Variants in TMOD2 observed in about 807,000 individuals in gnomAD.
The protein encoded by TMOD2 is tropomodulin 2, also known as tropomodulin-2.
TMOD2 carries 22 observed loss-of-function variants against 39.9 expected under a neutral mutation model. That is an observed-to-expected ratio of 0.55 (90% confidence interval 0.39 to 0.79). The LOEUF (loss-of-function observed/expected upper bound fraction) is 0.79, where lower values mean the gene tolerates loss of function less well. Among genes scored for constraint, TMOD2 ranks in the 30% least tolerant of loss-of-function variants. The probability of loss-of-function intolerance (pLI) is 0.00; values close to 1 mark genes in which losing one functional copy is unlikely to be tolerated. For missense variants in TMOD2, 386 were observed against 413.3 expected (o/e 0.93, Z 0.57); for synonymous variants, 123 against 146.1 (o/e 0.84, Z 1.14).
At chr15:51,785,380 C>T (rs915974848) in intron 7 of TMOD2, among the ~76,000 whole-genome samples, 1 of 139,502 alleles carries the variant, frequency 7.2e-6, no homozygotes, top group African/African-American at 2.7e-5. Flanking sequence ...CCACTGCACT[C>T]CAGCCTGGGC....
At chr15:51,769,576 A>G (rs1243340844) in intron 3 of TMOD2, among the ~76,000 whole-genome samples, 1 of 152,226 alleles carries the variant, frequency 6.6e-6, no homozygotes, top group East Asian at 1.9e-4. Flanking sequence ...AGCCAAGAAT[A>G]GGAAACCCTC....
At chr15:51,801,422 C>T (rs560930066) in intron 8 of TMOD2, among the ~76,000 whole-genome samples, 53 of 152,256 alleles carry the variant, frequency 3.5e-4, no homozygotes, top group African/African-American at 1.3e-3. Context: ...TTCATTGACT[C>T]ATAGACTGTT....
At chr15:51,781,924 C>T (rs1347743686) in intron 6 of TMOD2, among the ~76,000 whole-genome samples, 1 of 151,948 alleles carries the variant, frequency 6.6e-6, no homozygotes, top group Non-Finnish European at 1.5e-5. Context: ...TTATTGAGTA[C>T]TTACTATGTG....
rs137959325 is a variant in TMOD2, at chr15:51,764,377, G to T, written c.-69-1996G>T. 6.2e-3 allele frequency among the ~76,000 whole-genome samples: 944 copies of T among 152,242 alleles called. 7 individuals are homozygous for T. The highest frequency in any genetic ancestry group is 0.022 in the African/African-American group (910 of 41,526). Reference sequence around the variant, plus strand: ...GAGCGTTGCATTGCATGTGAAAGGGGTATCGACACAGAAACCACAAACCTG... The same window carrying T: ...GAGCGTTGCATTGCATGTGAAAGGGTTATCGACACAGAAACCACAAACCTG... On this transcript the variant is annotated intron_variant, in intron 1 of 9. Transcript: ENST00000249700.
intron 4 of TMOD2, 101 bp downstream of exon 4, chr15:51,773,935 A>G (rs1392380047): frequency 2.9e-5 from 39 of 1,345,074 alleles, no homozygotes; most frequent in Non-Finnish European, 3.8e-5. Context: ...TAGGTAGGAG[A>G]ATGACAGGTT....
In TMOD2 at chr15:51,780,977, T is replaced by C. The variant is rs556216374; in HGVS notation, c.494-67T>C. ...AGCATATGAAAGAAATGTCATTTTT[T>C]GGGAAGTCACCACTGATTTTGATAG... On this transcript the variant is annotated intron_variant, in intron 5 of 9. Coordinates refer to ENST00000249700, the MANE Select transcript of TMOD2 (RefSeq NM_014548.4). 38 of 1,342,824 alleles carry C rather than the reference T, an allele frequency of 2.8e-5. No homozygotes were observed. The South Asian group carries it at 5.1e-4, about 18-fold the overall frequency. 83.2% of individuals were successfully genotyped at this position (1,342,824 alleles called of 1,614,324 possible).
rs2056187945 is a variant in TMOD2, at chr15:51,816,308, C to T, written c.*7854C>T. 2 of 152,180 alleles carry T rather than the reference C, an allele frequency of 1.3e-5. No individual in the cohort carries two copies. Among genetic ancestry groups the T allele is most frequent in the Non-Finnish European group, 2.9e-5 (2 of 68,006 alleles). The allele number at this position is 152,180 out of a possible 1,614,324, so 9.4% of individuals were successfully genotyped here. A position where few individuals can be genotyped will look rare whatever the true frequency, so the allele number is the denominator to read the frequency against. On this transcript the variant is annotated 3_prime_UTR_variant, in exon 10 of 10. Transcript: ENST00000249700. ...TCTATTTCTGTCAGGAATGATATTT[C>T]CAAATGAAAATGTAAAGAACATTGG...
At chr15:51,769,935 A>G (rs2055842095) in intron 3 of TMOD2, among the ~76,000 whole-genome samples, 1 of 152,100 alleles carries the variant, frequency 6.6e-6, no homozygotes, top group Non-Finnish European at 1.5e-5. Flanking sequence ...AGGAGCTGAT[A>G]TGGGAGGATT....
chr15:51,806,590 G>A (rs1432967278), intron 9 of TMOD2, 69 bp downstream of exon 9: 19 of 1,568,600 alleles, frequency 1.2e-5, no homozygotes, highest in East Asian at 6.8e-5. Flanking sequence ...CACTTCAGAC[G>A]CAGCATCTCA....
chr15:51,767,766 G>A (rs1442374353), intron 2 of TMOD2, among the ~76,000 whole-genome samples: 1 of 152,190 alleles, frequency 6.6e-6, no homozygotes, highest in Non-Finnish European at 1.5e-5. Flanking sequence ...TAAAAATACA[G>A]ATATTCTGTT....
At position 51,768,353 on chromosome 15, in the gene TMOD2, T is replaced by C; in HGVS notation, c.218T>C (p.Leu73Pro). 1 of 1,614,082 alleles carries C rather than the reference T, an allele frequency of 6.2e-7. No homozygotes were observed. The highest frequency in any genetic ancestry group is 1.1e-5 in the South Asian group (1 of 91,078). The change falls in exon 3 of 10, where the codon CTG becomes CCG. Residue 73 changes from leucine (L) to proline (P), a missense_variant. Physicochemically the swap from Leu to Pro is moderately conservative, Grantham distance 98. Coordinates refer to ENST00000249700, the MANE Select transcript of TMOD2 (RefSeq NM_014548.4). ...PFDREHLLMY[L>P]EKEALEQKDR... Reference sequence around the variant, plus strand: ...GACCGCGAGCACCTCCTCATGTACCTGGAGAAGGAGGCTTTGGAACAGAAA... The same window carrying C: ...GACCGCGAGCACCTCCTCATGTACCCGGAGAAGGAGGCTTTGGAACAGAAA...
intron 7 of TMOD2, among the ~76,000 whole-genome samples, chr15:51,789,944 A>G (rs1595873948): frequency 6.6e-6 from 1 of 152,334 alleles, no homozygotes; most frequent in Middle Eastern, 3.4e-3. Flanking sequence ...ATCACAATTA[A>G]AAGAACTAGA....
chr15:51,797,852 C>T (rs2056061932), intron 7 of TMOD2, among the ~76,000 whole-genome samples: 3 of 141,294 alleles, frequency 2.1e-5, no homozygotes, highest in Admixed American at 1.4e-4. Flanking sequence ...TCCTTTCTAC[C>T]TTTTTTCTAA....
rs2055938627 is a variant in TMOD2, at chr15:51,782,652, TG to T, written c.625-66del. The T allele has an allele frequency of 1.3e-5, 16 of 1,209,220 alleles. No homozygotes were observed. The South Asian group carries it at 1.9e-4, about 14-fold the overall frequency. The allele number at this position is 1,209,220 out of a possible 1,614,324, so 74.9% of individuals were successfully genotyped here. Reference sequence around the variant, plus strand: ...ACACATACCTGGTATTTAAAGGTTGTGGGTTCTTACCTTGGCAAGAGTGTGC... The same window carrying T: ...ACACATACCTGGTATTTAAAGGTTGTGGTTCTTACCTTGGCAAGAGTGTGC... On this transcript the variant is annotated intron_variant, in intron 6 of 9. Coordinates refer to ENST00000249700, the MANE Select transcript of TMOD2 (RefSeq NM_014548.4).
chr15:51,767,328 A>G (rs751215732), intron 2 of TMOD2, among the ~76,000 whole-genome samples: 2 of 152,184 alleles, frequency 1.3e-5, no homozygotes, highest in Non-Finnish European at 2.9e-5. Flanking sequence ...ACCCGGCCCC[A>G]AACGCAGATT....
chr15:51,816,269 GA>G lies in TMOD2; in HGVS notation c.*7817del, dbSNP rs1479174513. ...AATTAATTAAGATCTTTCTGCTTTC[GA>G]AGGTATAATGTATCTATTTCTGTCA... On this transcript the variant is annotated 3_prime_UTR_variant, in exon 10 of 10. Transcript: ENST00000249700. 1.3e-5 allele frequency: 2 copies of G among 152,168 alleles called. No homozygotes were observed. Among genetic ancestry groups the G allele is most frequent in the East Asian group, 3.8e-4 (2 of 5,202 alleles). 9.4% of individuals were successfully genotyped at this position (152,168 alleles called of 1,614,324 possible).
At chr15:51,757,167 C>T (rs1204076810) in intron 1 of TMOD2, among the ~76,000 whole-genome samples, 1 of 152,092 alleles carries the variant, frequency 6.6e-6, no homozygotes, top group Non-Finnish European at 1.5e-5. Flanking sequence ...TTTGGGATGC[C>T]AAGGCAGGTG....
chr15:51,751,726 G>A lies in TMOD2; in HGVS notation c.-70+14G>A, dbSNP rs2055704590. The A allele has an allele frequency of 6.6e-6, 1 of 152,080 alleles. No homozygotes were observed. The highest frequency in any genetic ancestry group is 2.4e-5 in the African/African-American group (1 of 41,374). 9.4% of individuals were successfully genotyped at this position (152,080 alleles called of 1,614,324 possible). On this transcript the variant is annotated intron_variant, in intron 1 of 9. Coordinates refer to ENST00000249700, the MANE Select transcript of TMOD2 (RefSeq NM_014548.4). ...GCGCACGGACGGGTGAGCGCCCCGGGGGGCGGGTGGGGCCTGTTCTGGACA... is the reference window on the plus strand; with the variant it reads ...GCGCACGGACGGGTGAGCGCCCCGGAGGGCGGGTGGGGCCTGTTCTGGACA...
Position 51,776,211 on chromosome 15 carries a change from A to G in TMOD2, c.407-721A>G, listed in dbSNP as rs146739802. 7.2e-4 allele frequency among the ~76,000 whole-genome samples: 110 copies of G among 152,256 alleles called. 3 individuals are homozygous for G. In the East Asian group the frequency reaches 0.019, roughly 26 times the overall value. The stretch of plus-strand genomic sequence containing the variant: ...AGCATCTCAGAGGCACTCCTCTGCC[A>G]CCTGTCAACAGATTATTATCCCTTC... On this transcript the variant is annotated intron_variant, in intron 4 of 9. Transcript: ENST00000249700.
Sources: allele counts gnomAD v4.1 joint callset (sites outside exome capture counted in the v4.1 genomes callset), GRCh38; gene constraint gnomAD v4.1.1; transcripts MANE v1.5; gene names NCBI Gene and HGNC (gene_info 2026-07-23, HGNC 2026-07-21).